CACNB2: variants seen among roughly 807,000 people sequenced by gnomAD.
CACNB2 encodes calcium voltage-gated channel auxiliary subunit beta 2.
A neutral mutation model predicts 73.3 loss-of-function variants in CACNB2; 42 were observed. That is an observed-to-expected ratio of 0.57 (90% confidence interval 0.45 to 0.74). The LOEUF (loss-of-function observed/expected upper bound fraction) is 0.74. CACNB2 is among the 30% of genes least tolerant of loss of function. The pLI is 0.00. For missense variants in CACNB2, 940 were observed against 853.0 expected, an observed-to-expected ratio of 1.10 and a Z score of -1.27; for synonymous variants, 348 against 310.3, an observed-to-expected ratio of 1.12 and a Z score of -1.28.
At chr10:18,373,113 G>A (rs111516651) in intron 2 of CACNB2, among the ~76,000 whole-genome samples, 23 of 152,162 alleles carry the variant, frequency 1.5e-4, no homozygotes, top group Middle Eastern at 3.4e-3. Context: ...ACAGCACCCA[G>A]CCCCATATTT....
intron 2 of CACNB2, among the ~76,000 whole-genome samples, chr10:18,247,616 G>C (rs1018436159): frequency 6.6e-6 from 1 of 152,042 alleles, no homozygotes; most frequent in Non-Finnish European, 1.5e-5. Context: ...AAATAACTTT[G>C]TCTAAGTCCA....
At chr10:18,508,788 C>G (rs1452075223) in intron 6 of CACNB2, among the ~76,000 whole-genome samples, 4 of 152,206 alleles carry the variant, frequency 2.6e-5, no homozygotes, top group Non-Finnish European at 5.9e-5. Context: ...CAGACCTTGA[C>G]TTATGATAAG....
At chr10:18,231,042 G>A (rs1326555855) in intron 2 of CACNB2, among the ~76,000 whole-genome samples, 3 of 152,176 alleles carry the variant, frequency 2.0e-5, no homozygotes, top group Non-Finnish European at 4.4e-5. Context: ...AGTGTTTTGT[G>A]TATTCTAATA....
At position 18,527,636 on chromosome 10, in the gene CACNB2, G is replaced by A. The variant is rs76956014; in HGVS notation, c.993G>A (p.Ser331=). ...CTGACATCTCGCTTGCCAAACGCTC[G>A]GTATTAAACAATCCCAGTAAGCACG... ...VTADISLAKR[S]VLNNPSKHAI... Residue 331 remains serine, a synonymous_variant, in exon 10 of 14, where the codon TCG becomes TCA. Transcript: ENST00000324631. 0.01 allele frequency: 16,154 copies of A among 1,613,820 alleles called. 118 individuals are homozygous for A. The highest frequency in any genetic ancestry group is 0.012 in the Non-Finnish European group (14,196 of 1,179,874).
intron 2 of CACNB2, chr10:18,261,063 G>C: frequency 1.2e-5 from 15 of 1,251,894 alleles, no homozygotes; most frequent in East Asian, 7.4e-5. Context: ...CCCAAAAAAA[G>C]ACAAACAGGG....
At chr10:18,305,526 A>C (rs1020509885) in intron 2 of CACNB2, among the ~76,000 whole-genome samples, 10 of 152,214 alleles carry the variant, frequency 6.6e-5, no homozygotes, top group African/African-American at 2.4e-4. Context: ...TTTGATTCCT[A>C]AGTCATGAAA....
At chr10:18,382,915 T>C (rs942810220) in intron 2 of CACNB2, among the ~76,000 whole-genome samples, 1 of 152,206 alleles carries the variant, frequency 6.6e-6, no homozygotes, top group Non-Finnish European at 1.5e-5. Flanking sequence ...AGTAATGGGA[T>C]TGCTGGGTTA....
At chr10:18,534,278 A>G in intron 11 of CACNB2, 51 bp downstream of exon 11, 3 of 1,470,032 alleles carry the variant, frequency 2.0e-6, no homozygotes, top group South Asian at 2.3e-5. Flanking sequence ...CCTAAAATGT[A>G]TTTTATGTTC....
intron 2 of CACNB2, among the ~76,000 whole-genome samples, chr10:18,275,789 A>C (rs1425830448): frequency 6.6e-6 from 1 of 152,236 alleles, no homozygotes; most frequent in Non-Finnish European, 1.5e-5. Flanking sequence ...TAAACTGCAT[A>C]GAATAACACA....
intron 3 of CACNB2, among the ~76,000 whole-genome samples, chr10:18,471,044 C>A (rs967479744): frequency 6.6e-6 from 1 of 152,178 alleles, no homozygotes; most frequent in South Asian, 2.1e-4. Context: ...GTGGGTCACA[C>A]CTGTAATCCC....
intron 2 of CACNB2, among the ~76,000 whole-genome samples, chr10:18,253,223 G>A (rs1023970018): frequency 1.8e-4 from 28 of 152,080 alleles, no homozygotes; most frequent in African/African-American, 6.3e-4. Context: ...GTACCTCTTC[G>A]CTTGAGTCCC....
chr10:18,241,300 G>C (rs900373162), intron 2 of CACNB2, among the ~76,000 whole-genome samples: 3 of 152,056 alleles, frequency 2.0e-5, no homozygotes, highest in Non-Finnish European at 4.4e-5. Context: ...ACTGAAAAAA[G>C]ATAAATAAAT....
At chr10:18,337,837 ATATT>A (rs1203937654) in intron 2 of CACNB2, among the ~76,000 whole-genome samples, 2 of 152,200 alleles carry the variant, frequency 1.3e-5, no homozygotes, top group Non-Finnish European at 2.9e-5. Flanking sequence ...AAGTCTCTAT[ATATT>A]AAGGTGTACA....
At position 18,157,270 on chromosome 10, in the gene CACNB2, C is replaced by A. The variant is rs71497236; in HGVS notation, c.213+6295C>A. Reference sequence around the variant, plus strand: ...TCAAGAAGCTGGTTAGTGGCGAACGCCTGGACTTGGAAGCCAGGCTACATG... The same window carrying A: ...TCAAGAAGCTGGTTAGTGGCGAACGACTGGACTTGGAAGCCAGGCTACATG... On this transcript the variant is annotated intron_variant, in intron 2 of 13. Coordinates refer to ENST00000324631, the MANE Select transcript of CACNB2 (RefSeq NM_201596.3). Among the ~76,000 whole-genome samples, 656 of 152,240 alleles carry A rather than the reference C, an allele frequency of 4.3e-3. 2 individuals carry two copies. The highest frequency in any genetic ancestry group is 0.014 in the African/African-American group (598 of 41,548).
chr10:18,223,724 A>G (rs74319868), intron 2 of CACNB2, among the ~76,000 whole-genome samples: 5,211 of 152,220 alleles, frequency 0.034, 112 homozygotes, highest in African/African-American at 0.051. Flanking sequence ...CACTATTAAT[A>G]TTTTAATTTC....
chr10:18,425,703 C>A (rs769032630), intron 3 of CACNB2, among the ~76,000 whole-genome samples: 1 of 152,124 alleles, frequency 6.6e-6, no homozygotes, highest in East Asian at 1.9e-4. Context: ...AAAGGAAATT[C>A]TTTCCTACCT....
intron 2 of CACNB2, among the ~76,000 whole-genome samples, chr10:18,233,441 AC>A (rs2036300552): frequency 6.6e-6 from 1 of 150,550 alleles, no homozygotes; most frequent in Non-Finnish European, 1.5e-5. Context: ...TCTAGTGGAA[AC>A]ATCTTTTTTT....
intron 3 of CACNB2, among the ~76,000 whole-genome samples, chr10:18,483,108 G>C (rs1193584279): frequency 6.6e-6 from 1 of 152,110 alleles, no homozygotes; most frequent in Non-Finnish European, 1.5e-5. Context: ...TTTCTAGAGA[G>C]TGAGTGATCA....
chr10:18,161,009 G>A (rs2032417364), intron 2 of CACNB2, among the ~76,000 whole-genome samples: 1 of 152,140 alleles, frequency 6.6e-6, no homozygotes, highest in Non-Finnish European at 1.5e-5. Flanking sequence ...GGTGAAAAAG[G>A]AATGGTGTCT....
Sources: gnomAD v4.1 joint callset for allele counts (sites outside exome capture counted in the v4.1 genomes callset) on GRCh38, gnomAD v4.1.1 for gene constraint, MANE v1.5 for transcripts, NCBI Gene and HGNC (gene_info 2026-07-23, HGNC 2026-07-21) for gene names.